Variants in TCF12 observed in about 807,000 individuals in gnomAD.
The protein encoded by TCF12 is transcription factor 12, also known as DNA-binding protein HTF4.
A neutral mutation model predicts 86.0 loss-of-function variants in TCF12; 45 were observed. The observed-to-expected ratio is 0.52, with a 90% CI of 0.41 to 0.67. TCF12 has a LOEUF of 0.67. Ranked by LOEUF, TCF12 falls within the 30% of genes least tolerant of loss-of-function variation. The probability of loss-of-function intolerance (pLI) is 0.00; values close to 1 mark genes in which losing one functional copy is unlikely to be tolerated. For missense variants in TCF12, 881 were observed against 859.9 expected (o/e 1.02, Z -0.31); for synonymous variants, 330 against 299.6 (o/e 1.10, Z -1.05).
rs554596697 is a variant in TCF12, at chr15:57,113,257, G to T, written c.325+21366G>T. On this transcript the variant is annotated intron_variant, in intron 5 of 20. Transcript: ENST00000333725. ...ATTTCTTCTTATCCGTCAAGGATTA[G>T]CTTATGCTTGACATCTGTAGCTTCG... 4.6e-5 allele frequency among the ~76,000 whole-genome samples: 7 copies of T among 152,278 alleles called. No homozygotes were observed. In the East Asian group the frequency reaches 9.6e-4, roughly 21 times the overall value.
chr15:57,098,019 A>C (rs1336191991), intron 5 of TCF12, among the ~76,000 whole-genome samples: 2 of 148,670 alleles, frequency 1.3e-5, no homozygotes, highest in Admixed American at 6.7e-5. Context: ...CAAAAAAAAA[A>C]AAAAAAAAAA....
chr15:57,239,978 G>A (rs905440230), intron 12 of TCF12, among the ~76,000 whole-genome samples: 2 of 152,212 alleles, frequency 1.3e-5, no homozygotes, highest in Middle Eastern at 3.4e-3. Context: ...ATTTGACAAA[G>A]AATACTATTA....
At chr15:56,971,718 T>C (rs1280846527) in intron 3 of TCF12, among the ~76,000 whole-genome samples, 1 of 152,208 alleles carries the variant, frequency 6.6e-6, no homozygotes, top group Non-Finnish European at 1.5e-5. Context: ...ACATATGAAT[T>C]GTTTCTGGAA....
intron 8 of TCF12, among the ~76,000 whole-genome samples, chr15:57,202,274 T>A (rs1196303283): frequency 6.6e-6 from 1 of 152,306 alleles, no homozygotes; most frequent in Admixed American, 6.5e-5. Flanking sequence ...TCAGAAAATA[T>A]CTTGCTTAGT....
chr15:57,210,021 G>T (rs1025706117), intron 8 of TCF12, among the ~76,000 whole-genome samples: 15 of 151,950 alleles, frequency 9.9e-5, no homozygotes, highest in Admixed American at 6.6e-4. Context: ...ATATAAAAGG[G>T]CAACATACCC....
chr15:57,179,256 G>A (rs551384557), intron 6 of TCF12, among the ~76,000 whole-genome samples: 13 of 152,206 alleles, frequency 8.5e-5, no homozygotes, highest in African/African-American at 2.9e-4. Flanking sequence ...GGAGGCTGAG[G>A]CAGGCGGATC....
At chr15:57,023,267 T>C (rs150184388) in intron 3 of TCF12, among the ~76,000 whole-genome samples, 49 of 152,348 alleles carry the variant, frequency 3.2e-4, no homozygotes, top group African/African-American at 1.1e-3. Context: ...TATTGAGCAC[T>C]TGATATGTGC....
intron 5 of TCF12, among the ~76,000 whole-genome samples, chr15:57,113,100 G>A (rs1474729559): frequency 6.6e-6 from 1 of 152,008 alleles, no homozygotes; most frequent in Non-Finnish European, 1.5e-5. Flanking sequence ...TCATTTTTCT[G>A]GCTCAAGCTT....
intron 3 of TCF12, among the ~76,000 whole-genome samples, chr15:57,011,377 C>T (rs1175563177): frequency 1.3e-5 from 2 of 151,970 alleles, no homozygotes; most frequent in African/African-American, 4.8e-5. Flanking sequence ...TGTGAGACAC[C>T]TGCCCCCCGC....
At chr15:57,218,371 A>C (rs2151850286) in intron 8 of TCF12, among the ~76,000 whole-genome samples, 1 of 152,350 alleles carries the variant, frequency 6.6e-6, no homozygotes, top group African/African-American at 2.4e-5. Context: ...TTGTAATTAC[A>C]GCAAACGATT....
At chr15:57,100,953 C>A (rs1164840430) in intron 5 of TCF12, among the ~76,000 whole-genome samples, 3 of 152,004 alleles carry the variant, frequency 2.0e-5, no homozygotes, top group Non-Finnish European at 4.4e-5. Flanking sequence ...GGTTTTTTTA[C>A]TACATTGCTG....
At chr15:57,272,954 C>A in intron 18 of TCF12, 76 bp from the exon 19 acceptor site, 1 of 1,369,964 alleles carries the variant, frequency 7.3e-7, no homozygotes, top group Non-Finnish European at 1.0e-6. Flanking sequence ...CATCTTTACG[C>A]TTTATAATTG....
chr15:57,239,578 G>A (rs992393187), intron 12 of TCF12, among the ~76,000 whole-genome samples: 1 of 150,948 alleles, frequency 6.6e-6, no homozygotes, highest in Non-Finnish European at 1.5e-5. Context: ...AGGATGGAAA[G>A]AGAGGGGAGT....
At chr15:57,244,325 T>C (rs1314914748) in intron 13 of TCF12, among the ~76,000 whole-genome samples, 1 of 152,226 alleles carries the variant, frequency 6.6e-6, no homozygotes, top group Non-Finnish European at 1.5e-5. Context: ...CTAGATAGTC[T>C]GTTTTTATTT....
At chr15:56,990,751 C>G (rs546293254) in intron 3 of TCF12, among the ~76,000 whole-genome samples, 1 of 152,046 alleles carries the variant, frequency 6.6e-6, no homozygotes, top group East Asian at 1.9e-4. Flanking sequence ...TTGACCAGAA[C>G]ACCTACGTTA....
At chr15:57,103,520 A>C (rs1596540096) in intron 5 of TCF12, among the ~76,000 whole-genome samples, 1 of 152,230 alleles carries the variant, frequency 6.6e-6, no homozygotes, top group Non-Finnish European at 1.5e-5. Flanking sequence ...TAAAGAAAAC[A>C]GTCCCAAACG....
chr15:57,077,323 ATATATGTGTGTGTGTGTG>A (rs1180272736), intron 4 of TCF12, among the ~76,000 whole-genome samples: 8 of 35,684 alleles, frequency 2.2e-4, no homozygotes, highest in East Asian at 1.0e-3. Context: ...ATATATGTAT[ATATATGTGTGTGTGTGTG>A]TGTGTGTGTG....
chr15:56,928,640 T>G (rs1288728127), intron 3 of TCF12, among the ~76,000 whole-genome samples: 5 of 152,226 alleles, frequency 3.3e-5, no homozygotes, highest in African/African-American at 1.2e-4. Flanking sequence ...TTTAGTTGAT[T>G]TATTCTTAAT....
At chr15:57,100,362 G>C (rs150512100) in intron 5 of TCF12, among the ~76,000 whole-genome samples, 5 of 151,734 alleles carry the variant, frequency 3.3e-5, no homozygotes, top group African/African-American at 4.8e-5. Context: ...TTTAAGAAAA[G>C]TCCTAGAGCA....
Sources: gnomAD v4.1 joint callset for allele counts (sites outside exome capture counted in the v4.1 genomes callset) on GRCh38, gnomAD v4.1.1 for gene constraint, MANE v1.5 for transcripts, NCBI Gene and HGNC (gene_info 2026-07-23, HGNC 2026-07-21) for gene names.